The following FLT1 variants were observed in gnomAD, a reference collection of about 807,000 sequenced individuals.
The protein encoded by FLT1 is vascular endothelial growth factor receptor 1.
In FLT1, 49 loss-of-function variants were observed where a neutral mutation model predicts 156.3. That is an observed-to-expected ratio of 0.31 (90% confidence interval 0.25 to 0.40). The LOEUF (loss-of-function observed/expected upper bound fraction) is 0.40, where lower values mean the gene tolerates loss of function less well. FLT1 is among the 10% of genes least tolerant of loss of function. The pLI, the probability that FLT1 is intolerant of heterozygous loss-of-function variation, is 1.00. For synonymous variants in FLT1, 594 were observed against 583.8 expected (o/e 1.02, Z -0.25); for missense variants, 1,322 against 1,637.2 (o/e 0.81, Z 3.32).
At chr13:28,305,941 C>A (rs901533072) in intron 29 of FLT1, among the ~76,000 whole-genome samples, 3 of 152,168 alleles carry the variant, frequency 2.0e-5, no homozygotes, top group Admixed American at 2.0e-4. Flanking sequence ...AAAAAAATGG[C>A]TGCCTACCCC....
rs1593689375 is a variant in FLT1 at position 28,335,263 on chromosome 13, T to TGCC, written c.2489-1135_2489-1134insGGC. Reference sequence around the variant, plus strand: ...CTTGGGGGAAGGGGAAATGACAGAATACCACTGGTTGGTTAAAACTATTAT... The same window carrying TGCC: ...CTTGGGGGAAGGGGAAATGACAGAATGCCACCACTGGTTGGTTAAAACTATTAT... On this transcript the variant is annotated intron_variant, in intron 17 of 29. Coordinates refer to ENST00000282397, the MANE Select transcript of FLT1 (RefSeq NM_002019.4). Among the ~76,000 whole-genome samples the TGCC allele has an allele frequency of 3.3e-5, 5 of 152,140 alleles. No individual in the cohort carries two copies. The East Asian group carries it at 9.6e-4, about 29-fold the overall frequency.
At chr13:28,420,575 C>T (rs1387806003) in intron 10 of FLT1, among the ~76,000 whole-genome samples, 1 of 152,190 alleles carries the variant, frequency 6.6e-6, no homozygotes, top group East Asian at 1.9e-4. Flanking sequence ...TTCCCTCAGA[C>T]ATCTGACCTA....
At chr13:28,425,007 G>A (rs946285077) in intron 10 of FLT1, among the ~76,000 whole-genome samples, 1 of 152,158 alleles carries the variant, frequency 6.6e-6, no homozygotes, top group African/African-American at 2.4e-5. Context: ...CTCTGAGAGG[G>A]TGAAAGAGTG....
intron 3 of FLT1, 195 bp downstream of exon 3, chr13:28,466,708 A>C (rs1326819789): frequency 4.4e-6 from 3 of 676,530 alleles, no homozygotes; most frequent in Admixed American, 4.1e-5. Context: ...TGTGGAGCAC[A>C]TAGTGACTAA....
chr13:28,445,410 A>G lies in FLT1; in HGVS notation c.389-7065T>C, dbSNP rs564631755. 6.6e-5 allele frequency among the ~76,000 whole-genome samples: 10 copies of G among 152,314 alleles called. No individual in the cohort carries two copies. In the South Asian group the frequency reaches 1.9e-3, roughly 28 times the overall value. On this transcript the variant is annotated intron_variant, in intron 3 of 29. Coordinates refer to ENST00000282397, the MANE Select transcript of FLT1 (RefSeq NM_002019.4). ...AGAATCGCTTGAACCCAGGTGGCAG[A>G]GGTTGCAGGAGCCGAGATTGTGCCA...
chr13:28,361,662 A>T (rs941964703), intron 14 of FLT1, among the ~76,000 whole-genome samples: 6 of 152,230 alleles, frequency 3.9e-5, no homozygotes, highest in African/African-American at 1.4e-4. Context: ...AAATAGCAAG[A>T]GTGGAGGATG....
Position 28,322,466 on chromosome 13 carries a change from A to G in FLT1, c.2954-107T>C, listed in dbSNP as rs776026037. 5 of 798,098 alleles carry G rather than the reference A, an allele frequency of 6.3e-6. No individual in the cohort carries two copies. Among genetic ancestry groups the G allele is most frequent in the African/African-American group, 1.7e-5 (1 of 58,942 alleles). The allele number at this position is 798,098 out of a possible 1,614,324, so 49.4% of individuals were successfully genotyped here. On this transcript the variant is annotated intron_variant, in intron 21 of 29. Coordinates refer to ENST00000282397, the MANE Select transcript of FLT1 (RefSeq NM_002019.4). The surrounding 1 kb of genome is among the most constrained non-coding windows in gnomAD (Gnocchi z 4.3). ...AAACATAAAACAAACCAACAAGTAGATCAGAGTTCATTTTTAAGAGTATTT... is the reference window on the plus strand; with the variant it reads ...AAACATAAAACAAACCAACAAGTAGGTCAGAGTTCATTTTTAAGAGTATTT...
chr13:28,483,689 C>T (rs1469460803), intron 1 of FLT1, among the ~76,000 whole-genome samples: 1 of 152,150 alleles, frequency 6.6e-6, no homozygotes, highest in Non-Finnish European at 1.5e-5. Flanking sequence ...ACAGGAGCTA[C>T]GGGGCTTAAA....
intron 20 of FLT1, among the ~76,000 whole-genome samples, chr13:28,326,082 C>T (rs1871667069): frequency 6.6e-6 from 1 of 152,100 alleles, no homozygotes; most frequent in Non-Finnish European, 1.5e-5. Flanking sequence ...AAGTTGGACT[C>T]ACCCAATTTT....
intron 12 of FLT1, among the ~76,000 whole-genome samples, chr13:28,390,404 CT>C (rs369815871): frequency 2.0e-5 from 3 of 151,126 alleles, no homozygotes; most frequent in Non-Finnish European, 3.0e-5. Flanking sequence ...CTTTATTTCC[CT>C]TTTTTTTTGA....
chr13:28,345,806 C>T, intron 15 of FLT1: 1 of 391,250 alleles, frequency 2.6e-6, no homozygotes, highest in African/African-American at 2.0e-5. Context: ...AGAAATTTTG[C>T]TGTCAAGTTT....
rs141626342 is a variant in FLT1, at chr13:28,371,960, C to T, written c.2116+12925G>A. 5.8e-3 allele frequency among the ~76,000 whole-genome samples: 851 copies of T among 146,288 alleles called. 9 individuals carry two copies. Among genetic ancestry groups the T allele is most frequent in the African/African-American group, 0.021 (819 of 38,988 alleles). ...AAGGTCCCTGTTTTGTTCCCAGCAC[C>T]TAATATGCCTGTCACAAGGTTGACT... On this transcript the variant is annotated intron_variant, in intron 14 of 29. Coordinates refer to ENST00000282397, the MANE Select transcript of FLT1 (RefSeq NM_002019.4).
At chr13:28,458,467 C>G (rs1045239542) in intron 3 of FLT1, among the ~76,000 whole-genome samples, 1 of 152,178 alleles carries the variant, frequency 6.6e-6, no homozygotes, top group Non-Finnish European at 1.5e-5. Flanking sequence ...ATTGTTTTCT[C>G]TCTGAGGGAA....
intron 24 of FLT1, among the ~76,000 whole-genome samples, chr13:28,319,066 G>A (rs1414561189): frequency 6.6e-6 from 1 of 152,164 alleles, no homozygotes; most frequent in Non-Finnish European, 1.5e-5. Context: ...GACGCGGGGA[G>A]GGAAGCGGTA....
At chr13:28,324,015 G>A (rs187926263) in intron 20 of FLT1, among the ~76,000 whole-genome samples, 53 of 152,306 alleles carry the variant, frequency 3.5e-4, no homozygotes, top group Non-Finnish European at 5.4e-4. Flanking sequence ...TCTTGGGCAA[G>A]TCACCTTACT....
At chr13:28,379,249 A>G (rs1350366042) in intron 14 of FLT1, among the ~76,000 whole-genome samples, 1 of 152,148 alleles carries the variant, frequency 6.6e-6, no homozygotes, top group African/African-American at 2.4e-5. Context: ...AGGCTGAAGC[A>G]CCAGAACCTG....
chr13:28,447,972 A>G (rs1213502673), intron 3 of FLT1, among the ~76,000 whole-genome samples: 1 of 152,136 alleles, frequency 6.6e-6, no homozygotes, highest in East Asian at 1.9e-4. Context: ...CATTTACCCA[A>G]AGAAGATAAA....
At chr13:28,447,247 T>G (rs1878669955) in intron 3 of FLT1, among the ~76,000 whole-genome samples, 3 of 151,412 alleles carry the variant, frequency 2.0e-5, no homozygotes. Context: ...GGCAGGACCA[T>G]GGCTCACTGC....
intron 10 of FLT1, among the ~76,000 whole-genome samples, chr13:28,414,863 G>A (rs569578485): frequency 6.6e-6 from 1 of 152,278 alleles, no homozygotes. Flanking sequence ...TCAATCAAGT[G>A]TGCTGAAAAA....
Sources: gnomAD v4.1 joint callset for allele counts (sites outside exome capture counted in the v4.1 genomes callset) on GRCh38, gnomAD v4.1.1 for gene constraint, Gnocchi (gnomAD v3.1) non-coding constraint, MANE v1.5 for transcripts, NCBI Gene and HGNC (gene_info 2026-07-23, HGNC 2026-07-21) for gene names.